Variants in TRPC4AP observed in about 807,000 individuals in gnomAD.
TRPC4AP encodes transient receptor potential cation channel subfamily C member 4 associated protein, also known as short transient receptor potential channel 4-associated protein.
TRPC4AP carries 45 observed loss-of-function variants against 99.0 expected under a neutral mutation model. The ratio of observed to expected loss-of-function variants is 0.45; its 90% CI spans 0.36 to 0.58. The LOEUF (loss-of-function observed/expected upper bound fraction) is 0.58, where lower values mean the gene tolerates loss of function less well. TRPC4AP is among the 20% of genes least tolerant of loss of function. The pLI, the probability that TRPC4AP is intolerant of heterozygous loss-of-function variation, is 0.00. For synonymous variants in TRPC4AP, 408 were observed against 385.8 expected (o/e 1.06, Z -0.67); for missense variants, 879 against 985.3 (o/e 0.89, Z 1.44).
At position 35,075,538 on chromosome 20, in the gene TRPC4AP, A is replaced by C. The variant is rs558787861; in HGVS notation, c.297+2508T>G. Among the ~76,000 whole-genome samples, 190 of 152,304 alleles carry C rather than the reference A, an allele frequency of 1.2e-3. 1 individual carries two copies. The highest frequency in any genetic ancestry group is 4.4e-3 in the African/African-American group (182 of 41,564). On this transcript the variant is annotated intron_variant, in intron 2 of 18. Coordinates refer to ENST00000252015, the MANE Select transcript of TRPC4AP (RefSeq NM_015638.3). ...ATGAAGCTTAGTTTGGCTGGATATG[A>C]AACTCTGGGTTGAAAATTCTTTTCT...
At chr20:35,017,269 T>C (rs1485591976) in intron 9 of TRPC4AP, among the ~76,000 whole-genome samples, 1 of 152,146 alleles carries the variant, frequency 6.6e-6, no homozygotes, top group Non-Finnish European at 1.5e-5. Context: ...GTATTACTGA[T>C]TGTGTAAAAA....
chr20:35,026,230 T>TG (rs2083027700), intron 8 of TRPC4AP, among the ~76,000 whole-genome samples: 1 of 151,688 alleles, frequency 6.6e-6, no homozygotes, highest in South Asian at 2.1e-4. Context: ...TTGTTTTTTT[T>TG]TTTTGAGACA....
At chr20:35,046,892 G>A (rs376914568) in intron 6 of TRPC4AP, among the ~76,000 whole-genome samples, 10 of 151,516 alleles carry the variant, frequency 6.6e-5, no homozygotes, top group East Asian at 1.9e-4. Flanking sequence ...TTTTTAAGGC[G>A]GAGTCTCACT....
intron 5 of TRPC4AP, 34 bp from the exon 6 acceptor site, chr20:35,050,028 A>G: frequency 6.3e-7 from 1 of 1,597,746 alleles, no homozygotes; most frequent in South Asian, 1.1e-5. Flanking sequence ...ATAGGTTGTA[A>G]GTACAAAATA....
At chr20:35,007,960 T>C (rs879396429) in intron 13 of TRPC4AP, among the ~76,000 whole-genome samples, 1 of 152,038 alleles carries the variant, frequency 6.6e-6, no homozygotes, top group Non-Finnish European at 1.5e-5. Flanking sequence ...TTCACAAGAA[T>C]GGGAGGACGT....
intron 1 of TRPC4AP, among the ~76,000 whole-genome samples, chr20:35,089,398 T>G (rs6119571): frequency 1.4e-3 from 42 of 30,682 alleles, no homozygotes; most frequent in South Asian, 4.1e-3. Flanking sequence ...GGTTAATGTT[T>G]TTTTTTTTTT....
At position 35,007,534 on chromosome 20, in the gene TRPC4AP, C is replaced by T. The variant is rs2082540320; in HGVS notation, c.1686+16G>A. On this transcript the variant is annotated intron_variant, in intron 14 of 18. Coordinates refer to ENST00000252015, the MANE Select transcript of TRPC4AP (RefSeq NM_015638.3). The stretch of plus-strand genomic sequence containing the variant: ...GGGGAGACGGAACCCAAGACACTGG[C>T]TGCTCCAGATCATACCTCCAAGAGG... 5.0e-6 allele frequency: 8 copies of T among 1,613,702 alleles called. No homozygotes were observed. In the Middle Eastern group the frequency reaches 9.9e-4, roughly 200 times the overall value.
intron 8 of TRPC4AP, among the ~76,000 whole-genome samples, chr20:35,032,090 A>C (rs1405956544): frequency 1.3e-5 from 2 of 152,050 alleles, no homozygotes; most frequent in African/African-American, 4.8e-5. Context: ...GGGTTTCGCC[A>C]TGTTGGCCTG....
chr20:35,072,834 C>T (rs1369426990), intron 2 of TRPC4AP, among the ~76,000 whole-genome samples: 1 of 152,106 alleles, frequency 6.6e-6, no homozygotes, highest in Non-Finnish European at 1.5e-5. Flanking sequence ...TAATTGGTAG[C>T]TTGATGGGGA....
In TRPC4AP at chr20:35,069,481, G is replaced by T. The variant is rs1159884636; in HGVS notation, c.298-69C>A. ...ACACAGACCAGACACTAAAGCATCA[G>T]TTTGAGCTTTAGTCCCAACTGGAGT... On this transcript the variant is annotated intron_variant, in intron 2 of 18. Transcript: ENST00000252015. The T allele has an allele frequency of 2.0e-5, 20 of 1,000,316 alleles. No individual in the cohort carries two copies. In the East Asian group the frequency reaches 4.3e-4, roughly 22 times the overall value. 62.0% of individuals were successfully genotyped at this position (1,000,316 alleles called of 1,614,324 possible). A position where few individuals can be genotyped will look rare whatever the true frequency, so the allele number is the denominator to read the frequency against.
chr20:35,044,560 A>G lies in TRPC4AP; in HGVS notation c.810T>C (p.Asn270=), dbSNP rs2147360537. 2 of 1,614,184 alleles carry G rather than the reference A, an allele frequency of 1.2e-6. No homozygotes were observed. The highest frequency in any genetic ancestry group is 1.7e-6 in the Non-Finnish European group (2 of 1,180,032). ...NDDKHTLLAK[N]AQQKKSLSLG... is the part of the protein sequence containing the mutation. ...AACTCAAGCTCTTCTTCTGTTGAGC[A>G]TTTTTGGCAAGAAGCGTGTGCTTGT... The change falls in exon 7 of 19, where the codon AAT becomes AAC. Residue 270 remains asparagine (N), a synonymous_variant. Transcript: ENST00000252015.
intron 7 of TRPC4AP, among the ~76,000 whole-genome samples, chr20:35,036,953 G>A (rs1018540226): frequency 2.6e-5 from 4 of 151,402 alleles, no homozygotes; most frequent in South Asian, 2.1e-4. Context: ...CAACGCGTGC[G>A]CACACAAACA....
Position 35,007,579 on chromosome 20 carries a change from T to A in TRPC4AP, c.1657A>T (p.Met553Leu). The change falls in exon 14 of 19, where the codon ATG becomes TTG. Residue 553 changes from methionine to leucine, a missense_variant. Coordinates refer to ENST00000252015, the MANE Select transcript of TRPC4AP (RefSeq NM_015638.3). ...AAGAGGCCTCGCTTCAGCAGGAACA[T>A]CTGGTCTGCATAGGAGGTGGTCCCT... ...LRGTTSYADQ[M>L]FLLKRGLLEH... 5 of 1,614,138 alleles carry A rather than the reference T, an allele frequency of 3.1e-6. No homozygotes were observed. The highest frequency in any genetic ancestry group is 4.2e-6 in the Non-Finnish European group (5 of 1,180,018).
intron 4 of TRPC4AP, among the ~76,000 whole-genome samples, chr20:35,057,103 A>G (rs570888050): frequency 1.5e-3 from 221 of 152,240 alleles, no homozygotes; most frequent in Middle Eastern, 6.8e-3. Context: ...TGCATACCAA[A>G]ACACTCTGAC....
intron 1 of TRPC4AP, among the ~76,000 whole-genome samples, chr20:35,086,429 ATATG>A (rs1235969573): frequency 9.3e-5 from 11 of 117,802 alleles, no homozygotes; most frequent in African/African-American, 1.9e-4. Context: ...AATGAATGGC[ATATG>A]TGTGTGTGTG....
Position 35,049,925 on chromosome 20 carries a change from T to C in TRPC4AP, c.598A>G (p.Ser200Gly). The change falls in exon 6 of 19, where the codon AGT becomes GGT. Residue 200 changes from serine to glycine, a missense_variant. By Grantham distance (56) the Ser-to-Gly change is moderately conservative. Coordinates refer to ENST00000252015, the MANE Select transcript of TRPC4AP (RefSeq NM_015638.3). Reference protein sequence around the residue: ...FVIFLFTLMTSKKTFLQTATL... With the variant: ...FVIFLFTLMTGKKTFLQTATL... ...GCTGTTTGTAAGAATGTCTTCTTAC[T>C]TGTCATCAATGTAAACAGGAAGATC... 1 of 1,614,140 alleles carries C rather than the reference T, an allele frequency of 6.2e-7. No individual in the cohort carries two copies. The highest frequency in any genetic ancestry group is 8.5e-7 in the Non-Finnish European group (1 of 1,179,978).
intron 2 of TRPC4AP, among the ~76,000 whole-genome samples, chr20:35,072,376 T>C (rs1314478336): frequency 6.6e-6 from 1 of 152,144 alleles, no homozygotes; most frequent in East Asian, 1.9e-4. Context: ...GCCTGAATAG[T>C]ATTGCCTAGA....
At chr20:35,052,052 G>A (rs537687590) in intron 5 of TRPC4AP, among the ~76,000 whole-genome samples, 5 of 151,850 alleles carry the variant, frequency 3.3e-5, no homozygotes, top group South Asian at 2.1e-4. Flanking sequence ...TACATTTTTC[G>A]GGGGAGAGTT....
rs1479270980 is a variant in TRPC4AP at position 35,024,854 on chromosome 20, A to AAAAT, written c.1052-3499_1052-3498insATTT. ...AAAAAAAAAAAAAAAAAAAAAAAAA[A>AAAAT]ATTCTGTTTATTCATTAATCAGGTG... On this transcript the variant is annotated intron_variant, in intron 8 of 18. Coordinates refer to ENST00000252015, the MANE Select transcript of TRPC4AP (RefSeq NM_015638.3). Among the ~76,000 whole-genome samples, 10 of 89,476 alleles carry AAAAT rather than the reference A, an allele frequency of 1.1e-4. 2 individuals are homozygous for AAAAT. The highest frequency in any genetic ancestry group is 3.9e-4 in the African/African-American group (10 of 25,576). 58.7% of individuals were successfully genotyped at this position (89,476 alleles called of 152,430 possible). A position where few individuals can be genotyped will look rare whatever the true frequency, so the allele number is the denominator to read the frequency against.
Sources: allele counts gnomAD v4.1 joint callset (sites outside exome capture counted in the v4.1 genomes callset), GRCh38; gene constraint gnomAD v4.1.1; transcripts MANE v1.5; gene names NCBI Gene and HGNC (gene_info 2026-07-23, HGNC 2026-07-21).